Variants in DEPDC5 observed in about 807,000 individuals in gnomAD.
DEPDC5 encodes the protein DEP domain containing 5, GATOR1 subcomplex subunit.
In DEPDC5, 73 loss-of-function variants were observed where a neutral mutation model predicts 217.3. The ratio of observed to expected loss-of-function variants is 0.34; its 90% CI spans 0.28 to 0.41. The LOEUF is 0.41. DEPDC5 is among the 10% of genes least tolerant of loss of function. The pLI, the probability that DEPDC5 is intolerant of heterozygous loss-of-function variation, is 1.00. For synonymous variants in DEPDC5, 733 were observed against 756.7 expected (o/e 0.97, Z 0.51); for missense variants, 1,675 against 2,070.1 (o/e 0.81, Z 3.70).
rs578244490 is a variant in DEPDC5, at chr22:31,870,720, C to T, written c.3461C>T (p.Ser1154Phe). Residue 1154 changes from serine to phenylalanine, a missense_variant, in exon 34 of 43, where the codon TCC becomes TTC. Coordinates refer to ENST00000651528, the MANE Select transcript of DEPDC5 (RefSeq NM_001242896.3). ...CAGAACATAGGAGAACAGGGCTACTCCTCCACAAACTCCAGTGACAGCAGG... is the reference window on the plus strand; with the variant it reads ...CAGAACATAGGAGAACAGGGCTACTTCTCCACAAACTCCAGTGACAGCAGG... The part of the protein sequence containing the change: ...NSQNIGEQGY[S>F]STNSSDSSSQ... 8.8e-5 allele frequency: 139 copies of T among 1,583,666 alleles called. No individual in the cohort carries two copies. The highest frequency in any genetic ancestry group is 1.1e-4 in the Non-Finnish European group (134 of 1,167,628).
intron 38 of DEPDC5, among the ~76,000 whole-genome samples, chr22:31,884,276 C>G (rs946544398): frequency 1.3e-5 from 2 of 152,216 alleles, no homozygotes; most frequent in Non-Finnish European, 2.9e-5. Context: ...CAGTGTAGCA[C>G]TTTGGCAGTC....
intron 40 of DEPDC5, among the ~76,000 whole-genome samples, chr22:31,898,326 G>C (rs78160874): frequency 0.013 from 1,983 of 152,256 alleles, 98 homozygotes; most frequent in Admixed American, 0.078. Flanking sequence ...GTTTAGGACA[G>C]ATCAAAGACG....
chr22:31,798,604 T>G lies in DEPDC5; in HGVS notation c.894T>G (p.Asn298Lys). ...CAGAGGGCTTTCCTCAAGGAGATAA[T>G]TCTACCTCAGCACAAGGAAACTACC... ...EQAEGFPQGDNSTSAQGNYLE... is the reference protein window; with the variant it reads ...EQAEGFPQGDKSTSAQGNYLE... The change falls in exon 14 of 43, where the codon AAT becomes AAG. Residue 298 changes from asparagine (N) to lysine (K), a missense_variant. Around this residue, in one of 11 missense-constraint regions of DEPDC5, gnomAD observed 628 missense variants for 762.1 expected, o/e 0.82. Coordinates refer to ENST00000651528, the MANE Select transcript of DEPDC5 (RefSeq NM_001242896.3). The G allele has an allele frequency of 6.2e-7, 1 of 1,611,390 alleles. No individual in the cohort carries two copies. Among genetic ancestry groups the G allele is most frequent in the Non-Finnish European group, 8.5e-7 (1 of 1,178,208 alleles).
At chr22:31,787,090 T>C (rs560335946) in intron 10 of DEPDC5, among the ~76,000 whole-genome samples, 1 of 151,872 alleles carries the variant, frequency 6.6e-6, no homozygotes, top group South Asian at 2.1e-4. Flanking sequence ...TAAAAAGTTT[T>C]ATAATTTTTT....
At position 31,885,895 on chromosome 22, in the gene DEPDC5, G is replaced by C. The variant is rs554342231; in HGVS notation, c.4033+6143G>C. Reference sequence around the variant, plus strand: ...CTAAAAATGCAAAAATTAGCTGGGTGTGGTGGCGGGCACATGTAACCCCAG... The same window carrying C: ...CTAAAAATGCAAAAATTAGCTGGGTCTGGTGGCGGGCACATGTAACCCCAG... On this transcript the variant is annotated intron_variant, in intron 38 of 42. Coordinates refer to ENST00000651528, the MANE Select transcript of DEPDC5 (RefSeq NM_001242896.3). Among the ~76,000 whole-genome samples the C allele has an allele frequency of 8.0e-5, 12 of 150,578 alleles. No individual in the cohort carries two copies. In the South Asian group the frequency reaches 1.7e-3, roughly 21 times the overall value.
chr22:31,782,354 C>T (rs968060291), intron 8 of DEPDC5, among the ~76,000 whole-genome samples: 3 of 152,112 alleles, frequency 2.0e-5, no homozygotes, highest in African/African-American at 7.2e-5. Flanking sequence ...CCAGGCTGGT[C>T]TCCAGTTCCT....
At chr22:31,764,512 T>C (rs1212074042) in intron 4 of DEPDC5, among the ~76,000 whole-genome samples, 3 of 152,108 alleles carry the variant, frequency 2.0e-5, no homozygotes, top group African/African-American at 7.2e-5. Flanking sequence ...GTCTCTGGGG[T>C]TCAAGCGATT....
Position 31,879,542 on chromosome 22 carries a change from G to A in DEPDC5, c.3823G>A (p.Ala1275Thr), listed in dbSNP as rs1453526282. Residue 1275 changes from alanine (A) to threonine (T), a missense_variant, in exon 38 of 43, where the codon GCC becomes ACC. Coordinates refer to ENST00000651528, the MANE Select transcript of DEPDC5 (RefSeq NM_001242896.3). ...EPDRVAMQQP[A>T]TTWHTAGVDD... ...TTTCCCAGTGGCCATGCAGCAGCCC[G>A]CCACCACCTGGCACACAGCAGGAGT... 3.7e-6 allele frequency: 6 copies of A among 1,610,590 alleles called. No homozygotes were observed. In the Admixed American group the frequency reaches 6.7e-5, roughly 18 times the overall value.
At position 31,907,115 on chromosome 22, in the gene DEPDC5, A is replaced by T. The variant is rs2093769865; in HGVS notation, c.*618A>T. The T allele has an allele frequency of 6.5e-6, 1 of 154,820 alleles. No individual in the cohort carries two copies. The highest frequency in any genetic ancestry group is 6.3e-5 in the Admixed American group (1 of 15,816). 9.6% of individuals were successfully genotyped at this position (154,820 alleles called of 1,614,324 possible). Reference sequence around the variant, plus strand: ...ATGGCAGTCAATGAAGTGGTCACAGATGGTGAGAGGGCTTCAGAATTCACT... The same window carrying T: ...ATGGCAGTCAATGAAGTGGTCACAGTTGGTGAGAGGGCTTCAGAATTCACT... On this transcript the variant is annotated 3_prime_UTR_variant, in exon 43 of 43. Transcript: ENST00000651528.
At chr22:31,774,356 T>G (rs144402557) in intron 7 of DEPDC5, among the ~76,000 whole-genome samples, 8,148 of 151,700 alleles carry the variant, frequency 0.054, 274 homozygotes, top group African/African-American at 0.091. Flanking sequence ...CCCGCCACCA[T>G]GCCTGGCTAA....
chr22:31,777,967 C>T (rs1453322053), intron 7 of DEPDC5, 132 bp from the exon 8 acceptor site: 20 of 929,868 alleles, frequency 2.2e-5, no homozygotes, highest in South Asian at 1.7e-4. Context: ...AGGCTGGTCT[C>T]GAAGTCCTGA....
At chr22:31,761,131 G>A (rs1247825750) in intron 4 of DEPDC5, among the ~76,000 whole-genome samples, 1 of 152,002 alleles carries the variant, frequency 6.6e-6, no homozygotes, top group Non-Finnish European at 1.5e-5. Context: ...ACAGGCACCT[G>A]CCACCACGCC....
intron 33 of DEPDC5, among the ~76,000 whole-genome samples, chr22:31,864,880 G>C (rs965038011): frequency 2.0e-5 from 3 of 152,058 alleles, no homozygotes; most frequent in African/African-American, 7.3e-5. Flanking sequence ...TAGTAGAGAT[G>C]GGGTTTCACC....
At chr22:31,771,063 G>A (rs188081541) in intron 7 of DEPDC5, among the ~76,000 whole-genome samples, 14 of 152,148 alleles carry the variant, frequency 9.2e-5, no homozygotes, top group Non-Finnish European at 1.3e-4. Context: ...GATTATAGGC[G>A]TTGAGCCACC....
chr22:31,774,425 C>G (rs2083633019), intron 7 of DEPDC5, among the ~76,000 whole-genome samples: 2 of 148,544 alleles, frequency 1.3e-5, no homozygotes, highest in Non-Finnish European at 2.9e-5. Flanking sequence ...TCTTGAACTC[C>G]CGACCTCAGG....
intron 26 of DEPDC5, 124 bp from the exon 27 acceptor site, chr22:31,838,561 G>T (rs1226195174): frequency 2.2e-6 from 3 of 1,338,420 alleles, no homozygotes; most frequent in Non-Finnish European, 3.0e-6. Context: ...CAAACTGTTA[G>T]TTTTATGAAC....
In DEPDC5 at chr22:31,815,635, T is replaced by C. The variant is rs1333131674; in HGVS notation, c.1666+423T>C. 5.2e-6 allele frequency: 3 copies of C among 581,578 alleles called. No homozygotes were observed. In the African/African-American group the frequency reaches 5.8e-5, roughly 11 times the overall value. 36.0% of individuals were successfully genotyped at this position (581,578 alleles called of 1,614,324 possible). On this transcript the variant is annotated intron_variant, in intron 21 of 42. Transcript: ENST00000651528. ...TGCGGCCTTGAACTCCTGGACTCAA[T>C]TGATCCTCCCACTTCTGCCTCCCAA...
At chr22:31,875,177 A>C (rs1293258333) in intron 36 of DEPDC5, 1 of 167,074 alleles carries the variant, frequency 6.0e-6, no homozygotes, top group Non-Finnish European at 1.5e-5. Flanking sequence ...AAAGCATGTG[A>C]TTCTCAGTTC....
intron 18 of DEPDC5, among the ~76,000 whole-genome samples, chr22:31,808,456 A>G (rs1046352906): frequency 6.9e-6 from 1 of 144,212 alleles, no homozygotes; most frequent in Non-Finnish European, 1.5e-5. Context: ...TTTTTTTGAG[A>G]TAGAGTTTCA....
Sources: allele counts gnomAD v4.1 joint callset (sites outside exome capture counted in the v4.1 genomes callset), GRCh38; gene constraint gnomAD v4.1.1; regional missense constraint gnomAD v4.1.1; transcripts MANE v1.5; gene names NCBI Gene and HGNC (gene_info 2026-07-23, HGNC 2026-07-21).